The following RSU1 variants were observed in gnomAD, a reference collection of about 807,000 sequenced individuals.
RSU1 encodes the protein rsu-1.
A neutral mutation model predicts 31.1 loss-of-function variants in RSU1; 26 were observed. That is an observed-to-expected ratio of 0.84 (90% CI 0.61 to 1.16). The LOEUF is 1.16. Ranked by LOEUF, RSU1 falls within the 50% of genes most tolerant of loss-of-function variation. RSU1 has a pLI of 0.00. For missense variants in RSU1, 320 were observed against 339.1 expected, an observed-to-expected ratio of 0.94 and a Z score of 0.44; for synonymous variants, 164 against 136.3, an observed-to-expected ratio of 1.20 and a Z score of -1.41.
intron 2 of RSU1, among the ~76,000 whole-genome samples, chr10:16,815,386 G>A (rs547574507): frequency 2.6e-5 from 4 of 152,248 alleles, no homozygotes; most frequent in East Asian, 1.9e-4. Context: ...TTTTCGAACC[G>A]TGAAAACCGT....
At chr10:16,703,424 G>A (rs1835835986) in intron 7 of RSU1, among the ~76,000 whole-genome samples, 2 of 152,116 alleles carry the variant, frequency 1.3e-5, no homozygotes, top group South Asian at 4.1e-4. Flanking sequence ...GTTTGACCTG[G>A]TAATTCCACC....
At chr10:16,778,598 T>G (rs756566125) in intron 3 of RSU1, among the ~76,000 whole-genome samples, 1 of 150,916 alleles carries the variant, frequency 6.6e-6, no homozygotes, top group Non-Finnish European at 1.5e-5. Flanking sequence ...AGTTAAAGAG[T>G]CTACATGCAA....
rs554560415 is a variant in RSU1, at chr10:16,788,089, TG to T, written c.110-6006del. Among the ~76,000 whole-genome samples, 564 of 151,742 alleles carry T rather than the reference TG, an allele frequency of 3.7e-3. 3 individuals are homozygous for T. The highest frequency in any genetic ancestry group is 0.013 in the African/African-American group (547 of 41,046). On this transcript the variant is annotated intron_variant, in intron 2 of 8. Transcript: ENST00000345264. ...TATCCCTGAGATGTATAGTCTGACA[TG>T]AAAAAAATCTCCCCAGAAATCCCTG...
chr10:16,637,141 A>G (rs1262006330), intron 8 of RSU1, among the ~76,000 whole-genome samples: 2 of 152,238 alleles, frequency 1.3e-5, no homozygotes, highest in African/African-American at 2.4e-5. Context: ...ACTGCTCTCC[A>G]AGCCACCATA....
At chr10:16,813,667 G>A (rs12356584) in intron 2 of RSU1, among the ~76,000 whole-genome samples, 1 of 152,146 alleles carries the variant, frequency 6.6e-6, no homozygotes, top group Non-Finnish European at 1.5e-5. Flanking sequence ...GTACTAACTA[G>A]CAGAATTTGA....
intron 7 of RSU1, among the ~76,000 whole-genome samples, chr10:16,697,319 G>C (rs1242690065): frequency 6.6e-6 from 1 of 152,148 alleles, no homozygotes; most frequent in Non-Finnish European, 1.5e-5. Context: ...ACATCAGCAT[G>C]AATCAACTAT....
intron 3 of RSU1, among the ~76,000 whole-genome samples, chr10:16,772,444 C>T (rs61843962): frequency 1.1e-4 from 17 of 151,948 alleles, no homozygotes; most frequent in Middle Eastern, 3.4e-3. Context: ...TTCTGATGTG[C>T]GACCCCTCCA....
intron 8 of RSU1, among the ~76,000 whole-genome samples, chr10:16,603,681 AG>A (rs1833749896): frequency 6.6e-6 from 1 of 152,228 alleles, no homozygotes; most frequent in South Asian, 2.1e-4. Context: ...ATAAACTCAA[AG>A]GCAAAAGGAA....
chr10:16,714,340 A>T (rs547607044), intron 7 of RSU1, among the ~76,000 whole-genome samples: 6 of 152,268 alleles, frequency 3.9e-5, no homozygotes, highest in Middle Eastern at 3.4e-3. Flanking sequence ...GCCAGTGTGA[A>T]ATGGGGTTGG....
intron 8 of RSU1, among the ~76,000 whole-genome samples, chr10:16,674,853 C>T (rs12219154): frequency 0.4 from 60,132 of 151,692 alleles, 12,118 homozygotes; most frequent in Non-Finnish European, 0.43. Context: ...GCTAACACAG[C>T]GAAACTCCAT....
At chr10:16,680,704 C>T (rs920164307) in intron 8 of RSU1, among the ~76,000 whole-genome samples, 28 of 152,280 alleles carry the variant, frequency 1.8e-4, no homozygotes, top group Admixed American at 5.9e-4. Context: ...ACCAAGAGGA[C>T]GGCAAAAGCC....
At chr10:16,707,508 C>T (rs1192364830) in intron 7 of RSU1, among the ~76,000 whole-genome samples, 1 of 151,086 alleles carries the variant, frequency 6.6e-6, no homozygotes, top group South Asian at 2.1e-4. Flanking sequence ...TACATGTTGG[C>T]CATCTGTATG....
chr10:16,644,113 G>A (rs1161265696), intron 8 of RSU1, among the ~76,000 whole-genome samples: 1 of 151,466 alleles, frequency 6.6e-6, no homozygotes, highest in African/African-American at 2.4e-5. Flanking sequence ...GGTGGGGGGG[G>A]GTCCTAGAAC....
chr10:16,759,861 T>C (rs1481864746), intron 4 of RSU1, among the ~76,000 whole-genome samples: 4 of 152,230 alleles, frequency 2.6e-5, no homozygotes, highest in Non-Finnish European at 5.9e-5. Context: ...TATAAAAACT[T>C]TGAAAGCAAA....
intron 4 of RSU1, among the ~76,000 whole-genome samples, chr10:16,762,579 A>C (rs1837231809): frequency 6.6e-6 from 1 of 151,568 alleles, no homozygotes; most frequent in Non-Finnish European, 1.5e-5. Flanking sequence ...ACTTTCCCTC[A>C]GACATAAGAA....
chr10:16,711,558 G>A (rs866641312), intron 7 of RSU1, among the ~76,000 whole-genome samples: 7 of 152,034 alleles, frequency 4.6e-5, no homozygotes, highest in Non-Finnish European at 1.0e-4. Context: ...CTGCTCTCTC[G>A]CTGTGTCTCA....
Position 16,767,996 on chromosome 10 carries a change from T to C in RSU1, c.161-3486A>G, listed in dbSNP as rs531190533. On this transcript the variant is annotated intron_variant, in intron 3 of 8. Coordinates refer to ENST00000345264, the MANE Select transcript of RSU1 (RefSeq NM_012425.4). ...CTGCAATATTTTACCAGTCAAAATA[T>C]TCTACTGGAATTTTCTAGATATCTA... Among the ~76,000 whole-genome samples the C allele has an allele frequency of 8.5e-5, 13 of 152,346 alleles. No homozygotes were observed. The South Asian group carries it at 1.9e-3, about 22-fold the overall frequency.
Position 16,764,451 on chromosome 10 carries a change from G to T in RSU1, c.220C>A (p.Gln74Lys), listed in dbSNP as rs745987396. ...ATCTGTGTGGGCAGCTCCTCGATTT[G>T]GTTATTAAAAAAGTTGAGCACCTCC... ...NLEVLNFFNNQIEELPTQISS... is the reference protein window; with the variant it reads ...NLEVLNFFNNKIEELPTQISS... The change falls in exon 4 of 9, where the codon CAA becomes AAA. Residue 74 changes from glutamine to lysine, a missense_variant. By Grantham distance (53) the Gln-to-Lys change is moderately conservative. Coordinates refer to ENST00000345264, the MANE Select transcript of RSU1 (RefSeq NM_012425.4). 8.1e-6 allele frequency: 13 copies of T among 1,613,730 alleles called. No homozygotes were observed. Among genetic ancestry groups the T allele is most frequent in the African/African-American group, 1.3e-5 (1 of 74,840 alleles).
At chr10:16,795,390 G>T (rs1838010171) in intron 2 of RSU1, among the ~76,000 whole-genome samples, 1 of 150,876 alleles carries the variant, frequency 6.6e-6, no homozygotes, top group South Asian at 2.1e-4. Flanking sequence ...AAAAAATAAG[G>T]TAATAACAAA....
Sources: gnomAD v4.1 joint callset for allele counts (sites outside exome capture counted in the v4.1 genomes callset) on GRCh38, gnomAD v4.1.1 for gene constraint, MANE v1.5 for transcripts, NCBI Gene and HGNC (gene_info 2026-07-23, HGNC 2026-07-21) for gene names.